Variants in HNF4G observed in about 807,000 individuals in gnomAD.
HNF4G encodes hepatocyte nuclear factor 4 gamma, also known as hepatocyte nuclear factor 4-gamma.
Under a neutral mutation model 50.9 loss-of-function variants are expected in HNF4G, and 21 were observed. That is an observed-to-expected ratio of 0.41 (90% CI 0.29 to 0.59). The LOEUF is 0.59. HNF4G is among the 20% of genes least tolerant of loss of function. The pLI, the probability that HNF4G is intolerant of heterozygous loss-of-function variation, is 0.26. For missense variants in HNF4G, 527 were observed against 559.4 expected, an observed-to-expected ratio of 0.94 and a Z score of 0.58; for synonymous variants, 198 against 185.6, an observed-to-expected ratio of 1.07 and a Z score of -0.54.
intron 2 of HNF4G, among the ~76,000 whole-genome samples, chr8:75,503,726 A>C (rs1383562850): frequency 6.6e-6 from 1 of 152,198 alleles, no homozygotes; most frequent in Non-Finnish European, 1.5e-5. Context: ...TATAGTACTT[A>C]TAGGAGTGGA....
intron 1 of HNF4G, among the ~76,000 whole-genome samples, chr8:75,457,104 C>T (rs1585860533): frequency 6.6e-6 from 1 of 152,188 alleles, no homozygotes; most frequent in Non-Finnish European, 1.5e-5. Context: ...CAGAACAGAT[C>T]CATTGGCTAA....
At chr8:75,541,254 C>T (rs921903481) in intron 1 of HNF4G, among the ~76,000 whole-genome samples, 8 of 151,964 alleles carry the variant, frequency 5.3e-5, no homozygotes, top group South Asian at 2.1e-4. Context: ...ACTGAAATAA[C>T]GATTTTGTAT....
intron 1 of HNF4G, among the ~76,000 whole-genome samples, chr8:75,469,185 C>T (rs542830689): frequency 6.6e-6 from 1 of 152,010 alleles, no homozygotes; most frequent in Non-Finnish European, 1.5e-5. Flanking sequence ...CCCAGGTGCA[C>T]AAGAGAACAA....
intron 1 of HNF4G, among the ~76,000 whole-genome samples, chr8:75,461,877 A>C: frequency 1.1e-5 from 1 of 88,830 alleles, no homozygotes; most frequent in South Asian, 3.4e-4. Flanking sequence ...TCTCTTTAAA[A>C]AAAAATAAAT....
intron 1 of HNF4G, among the ~76,000 whole-genome samples, chr8:75,478,074 G>T (rs1189751721): frequency 6.6e-6 from 1 of 152,242 alleles, no homozygotes; most frequent in Admixed American, 6.5e-5. Flanking sequence ...CACGTTGGGA[G>T]GCCGAGGCAG....
At chr8:75,469,777 T>C (rs1395357322) in intron 1 of HNF4G, among the ~76,000 whole-genome samples, 1 of 152,158 alleles carries the variant, frequency 6.6e-6, no homozygotes. Context: ...TTCTCATCCT[T>C]ATACCCAATC....
intron 1 of HNF4G, among the ~76,000 whole-genome samples, chr8:75,463,588 A>G (rs1811901328): frequency 6.6e-6 from 1 of 151,970 alleles, no homozygotes; most frequent in Non-Finnish European, 1.5e-5. Context: ...TAATATGGGT[A>G]AGCATTCATT....
chr8:75,437,611 G>A (rs1563506061), intron 1 of HNF4G, among the ~76,000 whole-genome samples: 1 of 151,892 alleles, frequency 6.6e-6, no homozygotes, highest in Non-Finnish European at 1.5e-5. Context: ...GGAGGTGCAG[G>A]GTGCAGTGAG....
intron 9 of HNF4G, among the ~76,000 whole-genome samples, chr8:75,563,644 T>G (rs1323615617): frequency 1.3e-5 from 2 of 152,166 alleles, no homozygotes; most frequent in Non-Finnish European, 2.9e-5. Context: ...TTCTGTTAAT[T>G]CTTTTCACTG....
intron 1 of HNF4G, among the ~76,000 whole-genome samples, chr8:75,484,916 G>A (rs1349935021): frequency 6.6e-6 from 1 of 152,204 alleles, no homozygotes; most frequent in East Asian, 1.9e-4. Context: ...AAATTGTAAA[G>A]GAAGAAAATT....
chr8:75,479,224 T>C (rs1212468291), intron 1 of HNF4G, among the ~76,000 whole-genome samples: 1 of 152,216 alleles, frequency 6.6e-6, no homozygotes, highest in Non-Finnish European at 1.5e-5. Context: ...AGGCAAAGGA[T>C]TCATTTATCT....
At chr8:75,541,725 T>G (rs1384286215) in intron 1 of HNF4G, among the ~76,000 whole-genome samples, 1 of 152,044 alleles carries the variant, frequency 6.6e-6, no homozygotes, top group Non-Finnish European at 1.5e-5. Context: ...TGCATATAGA[T>G]TTTTCAAGAT....
At chr8:75,455,143 C>T (rs1811689808) in intron 1 of HNF4G, among the ~76,000 whole-genome samples, 1 of 152,130 alleles carries the variant, frequency 6.6e-6, no homozygotes. Context: ...TTAAGTATAT[C>T]AACTCTCAAA....
intron 1 of HNF4G, 76 bp downstream of exon 1, chr8:75,540,156 G>A: frequency 1.2e-6 from 1 of 841,070 alleles, no homozygotes; most frequent in Non-Finnish European, 2.0e-6. Flanking sequence ...GCTTCCAAAG[G>A]TGGTGGCTCA....
At chr8:75,437,841 A>G (rs1811176561) in intron 1 of HNF4G, among the ~76,000 whole-genome samples, 1 of 152,174 alleles carries the variant, frequency 6.6e-6, no homozygotes. Flanking sequence ...TGATGAAAAT[A>G]TAGTTAGACA....
chr8:75,449,756 C>G (rs986367127), intron 1 of HNF4G, among the ~76,000 whole-genome samples: 1 of 152,044 alleles, frequency 6.6e-6, no homozygotes, highest in Admixed American at 6.5e-5. Flanking sequence ...ATCCGCCCCC[C>G]TTGGCCTCCC....
intron 2 of HNF4G, among the ~76,000 whole-genome samples, chr8:75,531,434 G>C: frequency 6.6e-6 from 1 of 151,914 alleles, no homozygotes; most frequent in East Asian, 1.9e-4. Context: ...AAAATATAGA[G>C]GTTAAAGGAC....
At position 75,417,916 on chromosome 8, in the gene HNF4G, C is replaced by G. The variant is rs4606034; in HGVS notation, c.-144+9754C>G. On this transcript the variant is annotated intron_variant, in intron 1 of 10. Transcript: ENST00000354370. ...GTATTAATTTTTATCTAGTTTTGCA[C>G]GATAAATTTTGAATACTTAGTTAAT... 4.2e-4 allele frequency among the ~76,000 whole-genome samples: 64 copies of G among 151,488 alleles called. 1 individual carries two copies. Among genetic ancestry groups the G allele is most frequent in the African/African-American group, 1.5e-3 (60 of 41,252 alleles).
intron 1 of HNF4G, among the ~76,000 whole-genome samples, chr8:75,410,154 T>G (rs1309250360): frequency 6.6e-6 from 1 of 152,216 alleles, no homozygotes; most frequent in Non-Finnish European, 1.5e-5. Context: ...TTCTAAGTAT[T>G]ACAAACAATG....
Sources: allele counts gnomAD v4.1 joint callset (sites outside exome capture counted in the v4.1 genomes callset), GRCh38; gene constraint gnomAD v4.1.1; transcripts MANE v1.5; gene names NCBI Gene and HGNC (gene_info 2026-07-23, HGNC 2026-07-21).